The following THAP6 variants were observed in gnomAD, a reference collection of about 807,000 sequenced individuals.
THAP6 encodes THAP domain containing 6.
In THAP6, 13 loss-of-function variants were observed where a neutral mutation model predicts 20.0. That is an observed-to-expected ratio of 0.65 (90% CI 0.42 to 1.03). The LOEUF is 1.03. Ranked by LOEUF, THAP6 falls within the 50% of genes least tolerant of loss-of-function variation. The pLI is 0.00. For synonymous variants in THAP6, 93 were observed against 92.2 expected, an observed-to-expected ratio of 1.01 and a Z score of -0.05; for missense variants, 262 against 261.6, an observed-to-expected ratio of 1.00 and a Z score of -0.01.
chr4:75,542,552 G>A (rs1306738704), intron 3 of THAP6: 1 of 671,770 alleles, frequency 1.5e-6, no homozygotes, highest in Non-Finnish European at 2.7e-6. Flanking sequence ...AACCCTATAA[G>A]GTAGGTACTA....
intron 2 of THAP6, among the ~76,000 whole-genome samples, chr4:75,539,047 A>G (rs1726940321): frequency 6.6e-6 from 1 of 152,212 alleles, no homozygotes; most frequent in African/African-American, 2.4e-5. Context: ...TAGGCATTGG[A>G]GAAACAACAT....
chr4:75,542,391 G>T (rs1560553481), intron 2 of THAP6: 1 of 700,636 alleles, frequency 1.4e-6, no homozygotes, highest in Non-Finnish European at 2.6e-6. Flanking sequence ...TCGTATTTCT[G>T]CCTGTGTTTT....
At position 75,528,698 on chromosome 4, in the gene THAP6, G is replaced by C. The variant is rs1726529237; in HGVS notation, c.*1484G>C. The C allele has an allele frequency of 1.0e-6, 1 of 983,774 alleles. No homozygotes were observed. The highest frequency in any genetic ancestry group is 4.7e-5 in the South Asian group (1 of 21,156). 60.9% of individuals were successfully genotyped at this position (983,774 alleles called of 1,614,324 possible). On this transcript the variant is annotated 3_prime_UTR_variant, in exon 5 of 5. Transcript: ENST00000311638. ...CTGCGAGATCAGCGTTATGCTAAGA[G>C]GAAATCACTGAGGCCATATCTTTTT...
At chr4:75,514,180 T>C, upstream of THAP6, 1 of 1,602,020 alleles carries the variant, frequency 6.2e-7, no homozygotes, top group Non-Finnish European at 8.5e-7. Flanking sequence ...CAGGGAAGAG[T>C]CCATAGAAGG....
At chr4:75,517,141 C>A in intron 3 of THAP6, 162 bp downstream of exon 3, 1 of 553,592 alleles carries the variant, frequency 1.8e-6, no homozygotes, top group Non-Finnish European at 3.1e-6. Flanking sequence ...CCTCAGCCTC[C>A]CGAGAAGCTG....
chr4:75,534,327 A>T (rs1197628639), downstream of THAP6, among the ~76,000 whole-genome samples: 1 of 152,250 alleles, frequency 6.6e-6, no homozygotes, highest in Non-Finnish European at 1.5e-5. Flanking sequence ...TTCCCTATTT[A>T]ACAAATGGTG....
chr4:75,514,290 C>G (rs369060868), upstream of THAP6: 2 of 1,610,980 alleles, frequency 1.2e-6, no homozygotes, highest in Non-Finnish European at 1.7e-6. Flanking sequence ...CCGCCATCTC[C>G]TCCACCTCCC....
chr4:75,547,116 A>G (rs945845535), intron 3 of THAP6, among the ~76,000 whole-genome samples: 14 of 152,306 alleles, frequency 9.2e-5, no homozygotes, highest in Non-Finnish European at 1.3e-4. Context: ...TTGCTGGACA[A>G]CCAGGTGCGT....
chr4:75,530,206 G>C (rs1248652949), downstream of THAP6, among the ~76,000 whole-genome samples: 4 of 152,098 alleles, frequency 2.6e-5, no homozygotes, highest in Non-Finnish European at 5.9e-5. Flanking sequence ...CTATCATAGA[G>C]CCCTTTTCTG....
intron 3 of THAP6, among the ~76,000 whole-genome samples, chr4:75,518,805 C>G (rs1407807564): frequency 1.3e-5 from 2 of 152,178 alleles, no homozygotes; most frequent in Admixed American, 1.3e-4. Context: ...GAATTAGATT[C>G]AGTAAATTGG....
At chr4:75,542,173 T>C (rs1727023492) in intron 2 of THAP6, among the ~76,000 whole-genome samples, 1 of 152,064 alleles carries the variant, frequency 6.6e-6, no homozygotes, top group South Asian at 2.1e-4. Flanking sequence ...TCTGGGTAGG[T>C]GTGTTTTAAA....
At chr4:75,525,891 T>C (rs1726333957) in intron 4 of THAP6, among the ~76,000 whole-genome samples, 1 of 152,236 alleles carries the variant, frequency 6.6e-6, no homozygotes, top group East Asian at 1.9e-4. Context: ...TCTCTGGTTG[T>C]TCTTTCCTCA....
chr4:75,533,707 C>T (rs192435861), downstream of THAP6, among the ~76,000 whole-genome samples: 29 of 152,242 alleles, frequency 1.9e-4, 1 homozygote, highest in East Asian at 5.2e-3. Flanking sequence ...TGGATGGCAG[C>T]AGGCAAAAAG....
In THAP6 at chr4:75,529,601, C is replaced by T. The variant is rs6816985; in HGVS notation, c.*2387C>T. 2.5e-3 allele frequency: 2,501 copies of T among 985,432 alleles called. 52 individuals are homozygous for T. In the African/African-American group the frequency reaches 0.04, roughly 16 times the overall value. 61.0% of individuals were successfully genotyped at this position (985,432 alleles called of 1,614,324 possible). A position where few individuals can be genotyped will look rare whatever the true frequency, so the allele number is the denominator to read the frequency against. Reference sequence around the variant, plus strand: ...TAAACACAGTATGTATCTCAGTCCTCTGTTCCCAGAGATTCCACCCTAGCC... The same window carrying T: ...TAAACACAGTATGTATCTCAGTCCTTTGTTCCCAGAGATTCCACCCTAGCC... On this transcript the variant is annotated 3_prime_UTR_variant, in exon 5 of 5. Coordinates refer to ENST00000311638, the MANE Select transcript of THAP6 (RefSeq NM_144721.6).
At position 75,529,083 on chromosome 4, in the gene THAP6, C is replaced by G. The variant is rs1346159360; in HGVS notation, c.*1869C>G. 2 of 957,906 alleles carry G rather than the reference C, an allele frequency of 2.1e-6. No individual in the cohort carries two copies. Among genetic ancestry groups the G allele is most frequent in the Non-Finnish European group, 2.5e-6 (2 of 805,068 alleles). 59.3% of individuals were successfully genotyped at this position (957,906 alleles called of 1,614,324 possible). On this transcript the variant is annotated 3_prime_UTR_variant, in exon 5 of 5. Transcript: ENST00000311638. ...AACAAAACTACTTTCATTAATTACC[C>G]ATTATTTATTTTAGTTACTTAATTT...
intron 2 of THAP6, among the ~76,000 whole-genome samples, chr4:75,539,641 G>A (rs1726952912): frequency 6.6e-6 from 1 of 152,174 alleles, no homozygotes; most frequent in South Asian, 2.1e-4. Context: ...CAGCTGGGGA[G>A]AACCAAACAG....
At chr4:75,535,210 A>C (rs763473101) in intron 2 of THAP6, among the ~76,000 whole-genome samples, 3 of 152,208 alleles carry the variant, frequency 2.0e-5, no homozygotes, top group African/African-American at 7.2e-5. Context: ...TTCATCTCCA[A>C]CTGGGTCCCT....
chr4:75,534,717 A>G (rs9685780), downstream of THAP6, among the ~76,000 whole-genome samples: 3,341 of 152,302 alleles, frequency 0.022, 107 homozygotes, highest in African/African-American at 0.076. Flanking sequence ...AATTTACAAG[A>G]AAAAAACAAC....
chr4:75,518,813 T>G (rs1440574657), intron 3 of THAP6, among the ~76,000 whole-genome samples: 2 of 152,246 alleles, frequency 1.3e-5, no homozygotes, highest in Non-Finnish European at 2.9e-5. Flanking sequence ...TTCAGTAAAT[T>G]GGAGTGTACT....
Sources: gnomAD v4.1 joint callset for allele counts (sites outside exome capture counted in the v4.1 genomes callset) on GRCh38, gnomAD v4.1.1 for gene constraint, MANE v1.5 for transcripts, NCBI Gene and HGNC (gene_info 2026-07-23, HGNC 2026-07-21) for gene names.